SIPA1L1: variants seen among roughly 807,000 people sequenced by gnomAD.
SIPA1L1 encodes signal induced proliferation associated 1 like 1.
In SIPA1L1, 26 loss-of-function variants were observed where a neutral mutation model predicts 162.7. The ratio of observed to expected loss-of-function variants is 0.16; its 90% CI spans 0.12 to 0.22. SIPA1L1 has a LOEUF of 0.22. Among genes scored for constraint, SIPA1L1 ranks in the 10% least tolerant of loss-of-function variants. The pLI, the probability that SIPA1L1 is intolerant of heterozygous loss-of-function variation, is 1.00. For synonymous variants in SIPA1L1, 829 were observed against 837.4 expected (o/e 0.99, Z 0.17); for missense variants, 1,874 against 2,241.0 (o/e 0.84, Z 3.31).
At chr14:71,676,592 A>G (rs1306828332) in intron 12 of SIPA1L1, among the ~76,000 whole-genome samples, 1 of 149,054 alleles carries the variant, frequency 6.7e-6, no homozygotes, top group Non-Finnish European at 1.5e-5. Flanking sequence ...CATCATTTAC[A>G]TTAGGTATAT....
At chr14:71,363,427 A>G (rs1249156500) in intron 2 of SIPA1L1, among the ~76,000 whole-genome samples, 2 of 151,862 alleles carry the variant, frequency 1.3e-5, no homozygotes, top group Non-Finnish European at 2.9e-5. Flanking sequence ...TTGCATAGAA[A>G]AAATTGTGCT....
chr14:71,392,191 C>G (rs954980328), intron 2 of SIPA1L1, among the ~76,000 whole-genome samples: 5 of 152,308 alleles, frequency 3.3e-5, no homozygotes, highest in African/African-American at 1.2e-4. Flanking sequence ...GTCTCCGGTG[C>G]AGGCAGATGC....
intron 2 of SIPA1L1, among the ~76,000 whole-genome samples, chr14:71,384,818 C>T (rs2040188670): frequency 1.3e-5 from 2 of 152,146 alleles, no homozygotes; most frequent in Non-Finnish European, 2.9e-5. Flanking sequence ...TCAGCCTGAC[C>T]CGCGTTTCCT....
In SIPA1L1 at chr14:71,671,319, A is replaced by G; in HGVS notation, c.2456A>G (p.Lys819Arg). 3 of 1,614,240 alleles carry G rather than the reference A, an allele frequency of 1.9e-6. No individual in the cohort carries two copies. Among genetic ancestry groups the G allele is most frequent in the Non-Finnish European group, 2.5e-6 (3 of 1,180,050 alleles). Residue 819 changes from lysine to arginine, a missense_variant, in exon 11 of 24, where the codon AAG (lysine) becomes AGG (arginine). By Grantham distance (26) the Lys-to-Arg change is conservative. Coordinates refer to ENST00000381232, the MANE Select transcript of SIPA1L1 (RefSeq NM_001386936.1). ...GAATACCTGAAAGATCTGGCAGAAA[A>G]GAATGTCACCAACACCCCTATCGAC... Reference protein sequence around the residue: ...RQEYLKDLAEKNVTNTPIDPS... With the variant: ...RQEYLKDLAERNVTNTPIDPS...
chr14:71,563,126 TA>T (rs1366158823), intron 4 of SIPA1L1, among the ~76,000 whole-genome samples: 3 of 152,214 alleles, frequency 2.0e-5, no homozygotes, highest in Non-Finnish European at 4.4e-5. Context: ...AGACATACAA[TA>T]AATATTTGTC....
At chr14:71,584,844 C>T (rs1268223539) in intron 4 of SIPA1L1, among the ~76,000 whole-genome samples, 3 of 152,090 alleles carry the variant, frequency 2.0e-5, no homozygotes, top group Non-Finnish European at 4.4e-5. Context: ...GCTGTGAATT[C>T]GTATTGCTCT....
At chr14:71,330,496 A>G (rs748226768) in intron 2 of SIPA1L1, 32 of 1,604,082 alleles carry the variant, frequency 2.0e-5, no homozygotes, top group Non-Finnish European at 2.7e-5. Flanking sequence ...CCCTTCCTGA[A>G]GTCCTGCTCT....
At chr14:71,711,519 A>G (rs980785015) in intron 17 of SIPA1L1, among the ~76,000 whole-genome samples, 1 of 152,218 alleles carries the variant, frequency 6.6e-6, no homozygotes, top group Non-Finnish European at 1.5e-5. Flanking sequence ...CCATCTGAAA[A>G]TATTTCTCTG....
chr14:71,506,452 T>C (rs1001475816), intron 2 of SIPA1L1, among the ~76,000 whole-genome samples: 1 of 152,124 alleles, frequency 6.6e-6, no homozygotes, highest in Non-Finnish European at 1.5e-5. Flanking sequence ...GTGATTCTTG[T>C]GCCTCAGCCT....
At chr14:71,624,309 G>T in intron 7 of SIPA1L1, 73 bp downstream of exon 7, 1 of 1,264,748 alleles carries the variant, frequency 7.9e-7, no homozygotes, top group Non-Finnish European at 1.1e-6. Context: ...AGACCTTAAT[G>T]TTTCTTGTTT....
At chr14:71,391,532 T>G (rs184990603) in intron 2 of SIPA1L1, among the ~76,000 whole-genome samples, 181 of 152,350 alleles carry the variant, frequency 1.2e-3, no homozygotes, top group African/African-American at 4.2e-3. Context: ...TGAGAACAGT[T>G]CATATGAACA....
chr14:71,437,402 C>T (rs991723072), intron 2 of SIPA1L1, among the ~76,000 whole-genome samples: 2 of 152,130 alleles, frequency 1.3e-5, no homozygotes, highest in Non-Finnish European at 2.9e-5. Flanking sequence ...GAGTCTCGTT[C>T]TGTCACCCAG....
At chr14:71,402,250 C>G (rs1313046142) in intron 2 of SIPA1L1, among the ~76,000 whole-genome samples, 1 of 151,486 alleles carries the variant, frequency 6.6e-6, no homozygotes, top group Non-Finnish European at 1.5e-5. Context: ...TATTGAGAGG[C>G]AATATATTGA....
intron 13 of SIPA1L1, among the ~76,000 whole-genome samples, chr14:71,694,015 A>G (rs937327721): frequency 6.6e-6 from 1 of 152,228 alleles, no homozygotes; most frequent in Non-Finnish European, 1.5e-5. Flanking sequence ...ATAGAGATTT[A>G]ATTAATCTTA....
At chr14:71,384,473 C>T (rs553572610) in intron 2 of SIPA1L1, among the ~76,000 whole-genome samples, 155 of 152,204 alleles carry the variant, frequency 1.0e-3, no homozygotes, top group African/African-American at 3.4e-3. Context: ...CAACATGAAA[C>T]GACACCGCCG....
At chr14:71,662,309 G>GA (rs942820342) in intron 10 of SIPA1L1, among the ~76,000 whole-genome samples, 4 of 151,866 alleles carry the variant, frequency 2.6e-5, no homozygotes, top group Admixed American at 6.6e-5. Flanking sequence ...GTAGCTTAGG[G>GA]AAAAAAAACA....
rs377208859 is a variant in SIPA1L1 at position 71,696,875 on chromosome 14, G to A, written c.3375-2106G>A. Among the ~76,000 whole-genome samples the A allele has an allele frequency of 4.4e-4, 67 of 152,320 alleles. 1 individual carries two copies. Among genetic ancestry groups the A allele is most frequent in the African/African-American group, 1.6e-3 (66 of 41,574 alleles). On this transcript the variant is annotated intron_variant, in intron 13 of 23. Coordinates refer to ENST00000381232, the MANE Select transcript of SIPA1L1 (RefSeq NM_001386936.1). ...ATTCAAAGCTATGATGTTGGCATCAGGCCTTTTTATGTGAGTAGCAAAGGA... is the reference window on the plus strand; with the variant it reads ...ATTCAAAGCTATGATGTTGGCATCAAGCCTTTTTATGTGAGTAGCAAAGGA...
intron 2 of SIPA1L1, among the ~76,000 whole-genome samples, chr14:71,416,625 C>T (rs1463053242): frequency 1.3e-5 from 2 of 151,934 alleles, no homozygotes; most frequent in African/African-American, 4.8e-5. Context: ...TGACATGACT[C>T]TTCGCCTTCT....
chr14:71,421,782 A>T (rs8007521), intron 2 of SIPA1L1, among the ~76,000 whole-genome samples: 1 of 151,684 alleles, frequency 6.6e-6, no homozygotes, highest in East Asian at 1.9e-4. Context: ...TTGAAAGTCC[A>T]TTTGGTTTTT....
Sources: gnomAD v4.1 joint callset for allele counts (sites outside exome capture counted in the v4.1 genomes callset) on GRCh38, gnomAD v4.1.1 for gene constraint, MANE v1.5 for transcripts, NCBI Gene and HGNC (gene_info 2026-07-23, HGNC 2026-07-21) for gene names.